The following PLB1 variants were observed in gnomAD, a reference collection of about 807,000 sequenced individuals.
PLB1 encodes the protein phospholipase B1, also known as phospholipase B1, membrane-associated.
Under a neutral mutation model 227.4 loss-of-function variants are expected in PLB1, and 242 were observed. That is an observed-to-expected ratio of 1.06 (90% CI 0.96 to 1.18). The LOEUF (loss-of-function observed/expected upper bound fraction) is 1.18. PLB1 is among the 50% of genes most tolerant of loss of function. The pLI is 0.00. For missense variants in PLB1, 1,858 were observed against 1,816.3 expected, an observed-to-expected ratio of 1.02 and a Z score of -0.42; for synonymous variants, 757 against 682.2, an observed-to-expected ratio of 1.11 and a Z score of -1.71.
At chr2:28,593,571 C>T in intron 32 of PLB1, 110 bp from the exon 33 acceptor site, 1 of 865,268 alleles carries the variant, frequency 1.2e-6, no homozygotes, top group Non-Finnish European at 1.9e-6. Flanking sequence ...ATGTCTGCTC[C>T]TGCCACCACG....
rs528640113 is a variant in PLB1 at position 28,586,200 on chromosome 2, T to G, written c.1815+358T>G. ...CGCTGGTTGTGGAATGTTAGACACATGGGCAATGAAACTTCTCTGAACTTC... is the reference window on the plus strand; with the variant it reads ...CGCTGGTTGTGGAATGTTAGACACAGGGGCAATGAAACTTCTCTGAACTTC... On this transcript the variant is annotated intron_variant, in intron 26 of 57. Transcript: ENST00000327757. Among the ~76,000 whole-genome samples, 297 of 152,254 alleles carry G rather than the reference T, an allele frequency of 2.0e-3. 2 individuals are homozygous for G. Among genetic ancestry groups the G allele is most frequent in the African/African-American group, 6.3e-3 (262 of 41,542 alleles).
At chr2:28,522,986 G>T (rs1669724612) in intron 4 of PLB1, among the ~76,000 whole-genome samples, 1 of 152,170 alleles carries the variant, frequency 6.6e-6, no homozygotes, top group Non-Finnish European at 1.5e-5. Flanking sequence ...TCTGCCTTGA[G>T]TGCCTGGAGC....
At position 28,525,315 on chromosome 2, in the gene PLB1, T is replaced by C; in HGVS notation, c.284+8T>C. On this transcript the variant is annotated splice_region_variant and intron_variant, in intron 5 of 57. Coordinates refer to ENST00000327757, the MANE Select transcript of PLB1 (RefSeq NM_153021.5). Reference sequence around the variant, plus strand: ...TCTGGAGAAGCAAGACTGGTAACTATCCTGAAAACACAGAAAACAGAAAGG... The same window carrying C: ...TCTGGAGAAGCAAGACTGGTAACTACCCTGAAAACACAGAAAACAGAAAGG... 1 of 1,613,162 alleles carries C rather than the reference T, an allele frequency of 6.2e-7. No individual in the cohort carries two copies.
At chr2:28,614,806 C>T (rs765361559) in intron 44 of PLB1, among the ~76,000 whole-genome samples, 18 of 152,136 alleles carry the variant, frequency 1.2e-4, no homozygotes, top group African/African-American at 4.1e-4. Context: ...GAACATGGTC[C>T]GGACCAAGGG....
chr2:28,522,074 A>G (rs1231433522), intron 4 of PLB1, among the ~76,000 whole-genome samples: 1 of 151,702 alleles, frequency 6.6e-6, no homozygotes, highest in East Asian at 2.0e-4. Context: ...CCTCATCTCA[A>G]ATAACCAGTT....
At chr2:28,574,884 A>G (rs755458505) in intron 21 of PLB1, among the ~76,000 whole-genome samples, 8 of 152,152 alleles carry the variant, frequency 5.3e-5, no homozygotes, top group Non-Finnish European at 7.3e-5. Context: ...TCCATGGTGT[A>G]TATATACCAC....
intron 3 of PLB1, among the ~76,000 whole-genome samples, chr2:28,518,914 T>C (rs1669166440): frequency 6.6e-6 from 1 of 152,204 alleles, no homozygotes; most frequent in South Asian, 2.1e-4. Flanking sequence ...GTGGGCCTTC[T>C]TCCCTGACTT....
In PLB1 at chr2:28,630,669, G is replaced by T; in HGVS notation, c.3897+5G>T. On this transcript the variant is annotated splice_donor_5th_base_variant and intron_variant, in intron 54 of 57. Coordinates refer to ENST00000327757, the MANE Select transcript of PLB1 (RefSeq NM_153021.5). ...AAAGTGAACTGGAACCTCCAGGTAA[G>T]CCCTGCAGCCCTTCTCTTACTGACC... is the stretch of plus-strand genomic sequence containing the variant. 1.2e-6 allele frequency: 2 copies of T among 1,607,454 alleles called. No individual in the cohort carries two copies. The highest frequency in any genetic ancestry group is 1.7e-6 in the Non-Finnish European group (2 of 1,176,776).
chr2:28,611,310 C>T lies in PLB1; in HGVS notation c.3130-2721C>T, dbSNP rs182501835. Among the ~76,000 whole-genome samples the T allele has an allele frequency of 3.2e-4, 49 of 152,306 alleles. 1 individual carries two copies. The Middle Eastern group carries it at 0.01, about 32-fold the overall frequency. On this transcript the variant is annotated intron_variant, in intron 43 of 57. Transcript: ENST00000327757. ...TTCAATGAAACACATTGTCCAGTTGCACTCGCAGCACTTCCAAAAAGGTCA... is the reference window on the plus strand; with the variant it reads ...TTCAATGAAACACATTGTCCAGTTGTACTCGCAGCACTTCCAAAAAGGTCA...
At chr2:28,574,722 G>A (rs1321395370) in intron 21 of PLB1, among the ~76,000 whole-genome samples, 4 of 151,902 alleles carry the variant, frequency 2.6e-5, no homozygotes, top group South Asian at 2.1e-4. Context: ...ATGCCTTTGC[G>A]TCCTCATAGC....
chr2:28,560,104 T>A (rs1345850638), intron 17 of PLB1, among the ~76,000 whole-genome samples: 1 of 152,144 alleles, frequency 6.6e-6, no homozygotes, highest in African/African-American at 2.4e-5. Context: ...CAGACAACTT[T>A]CAGTTTATCC....
chr2:28,517,459 T>G (rs1173156842), intron 2 of PLB1, among the ~76,000 whole-genome samples: 1 of 152,210 alleles, frequency 6.6e-6, no homozygotes, highest in African/African-American at 2.4e-5. Flanking sequence ...GAGGTCCAAG[T>G]GGTCTTGAGG....
At chr2:28,589,927 G>T in intron 28 of PLB1, 78 bp from the exon 29 acceptor site, 1 of 1,428,678 alleles carries the variant, frequency 7.0e-7, no homozygotes, top group Non-Finnish European at 9.9e-7. Context: ...CCTGCCTCCC[G>T]CACCCCTGAC....
At chr2:28,595,956 A>G (rs1682840536) in intron 33 of PLB1, 1 of 152,160 alleles carries the variant, frequency 6.6e-6, no homozygotes. Context: ...CAGCTTAACA[A>G]TGTGCTGGGC....
chr2:28,617,653 G>A (rs1573465629), intron 44 of PLB1, 74 bp from the exon 45 acceptor site: 3 of 1,454,142 alleles, frequency 2.1e-6, no homozygotes, highest in Non-Finnish European at 2.9e-6. Flanking sequence ...CCCTTAGCTG[G>A]TTCTTCTTGG....
chr2:28,599,571 G>A (rs986466796), intron 35 of PLB1, among the ~76,000 whole-genome samples: 13 of 152,216 alleles, frequency 8.5e-5, no homozygotes, highest in African/African-American at 3.1e-4. Flanking sequence ...CTGAACAAGT[G>A]GAAGTGGGGA....
intron 35 of PLB1, among the ~76,000 whole-genome samples, chr2:28,600,397 A>G (rs1283705110): frequency 2.0e-5 from 3 of 152,216 alleles, no homozygotes; most frequent in Non-Finnish European, 4.4e-5. Context: ...ATGTTTGAGC[A>G]TCAAACTCAG....
chr2:28,603,618 A>G (rs1205885989), intron 39 of PLB1, among the ~76,000 whole-genome samples: 1 of 152,216 alleles, frequency 6.6e-6, no homozygotes, highest in African/African-American at 2.4e-5. Context: ...CTCCAACACC[A>G]GAGGATGCAT....
chr2:28,505,657 G>A (rs1487490171), intron 1 of PLB1, among the ~76,000 whole-genome samples: 1 of 152,178 alleles, frequency 6.6e-6, no homozygotes, highest in Non-Finnish European at 1.5e-5. Context: ...GGTAACATTT[G>A]TTTTGCAAGA....
Sources: gnomAD v4.1 joint callset for allele counts (sites outside exome capture counted in the v4.1 genomes callset) on GRCh38, gnomAD v4.1.1 for gene constraint, MANE v1.5 for transcripts, NCBI Gene and HGNC (gene_info 2026-07-23, HGNC 2026-07-21) for gene names.